The following DIP2C variants were observed in gnomAD, a reference collection of about 807,000 sequenced individuals.
The protein encoded by DIP2C is disco-interacting protein 2 homolog C.
Under a neutral mutation model 192.4 loss-of-function variants are expected in DIP2C, and 33 were observed. The ratio of observed to expected loss-of-function variants is 0.17; its 90% CI spans 0.13 to 0.23. The LOEUF (loss-of-function observed/expected upper bound fraction) is 0.23. Ranked by LOEUF, DIP2C falls within the 10% of genes least tolerant of loss-of-function variation. DIP2C has a pLI of 1.00. For synonymous variants in DIP2C, 979 were observed against 864.1 expected (o/e 1.13, Z -2.33); for missense variants, 1,537 against 2,110.1 (o/e 0.73, Z 5.32).
At chr10:310,780 C>A (rs764954205) in intron 31 of DIP2C, among the ~76,000 whole-genome samples, 1 of 152,154 alleles carries the variant, frequency 6.6e-6, no homozygotes, top group Admixed American at 6.5e-5. Context: ...TGACTTCTGA[C>A]CAGTGACCTC....
chr10:490,492 G>A (rs916332041), intron 1 of DIP2C, among the ~76,000 whole-genome samples: 1 of 152,130 alleles, frequency 6.6e-6, no homozygotes, highest in Non-Finnish European at 1.5e-5. Flanking sequence ...AGGCTATTTC[G>A]AAAGTCAACT....
At chr10:575,903 G>C (rs978650236) in intron 1 of DIP2C, among the ~76,000 whole-genome samples, 2 of 152,178 alleles carry the variant, frequency 1.3e-5, no homozygotes, top group African/African-American at 4.8e-5. Context: ...TCTCCTCCAT[G>C]GTAACAGCTG....
chr10:310,438 G>A (rs923012380), intron 31 of DIP2C, among the ~76,000 whole-genome samples: 3 of 152,254 alleles, frequency 2.0e-5, no homozygotes, highest in Non-Finnish European at 4.4e-5. Flanking sequence ...TGAAGCATCT[G>A]TGCGGAGAAA....
chr10:504,740 C>G (rs1845469341), intron 1 of DIP2C, among the ~76,000 whole-genome samples: 1 of 152,238 alleles, frequency 6.6e-6, no homozygotes, highest in Non-Finnish European at 1.5e-5. Flanking sequence ...AAGCATAAGG[C>G]CTGAGTAGCA....
intron 3 of DIP2C, among the ~76,000 whole-genome samples, chr10:459,956 G>T (rs560249974): frequency 7.2e-6 from 1 of 138,148 alleles, no homozygotes; most frequent in African/African-American, 2.8e-5. Flanking sequence ...TGAGCTCTAG[G>T]ACCTTCCCAC....
intron 1 of DIP2C, among the ~76,000 whole-genome samples, chr10:624,246 C>T (rs1189041084): frequency 1.3e-5 from 2 of 152,220 alleles, no homozygotes; most frequent in Admixed American, 1.3e-4. Context: ...TTGCTGTCAC[C>T]TCTGTCACCA....
intron 32 of DIP2C, among the ~76,000 whole-genome samples, chr10:295,044 T>C (rs887783931): frequency 6.6e-6 from 1 of 150,508 alleles, no homozygotes; most frequent in Non-Finnish European, 1.5e-5. Flanking sequence ...AAGAAATAAA[T>C]GTCCAGAAAA....
In DIP2C at chr10:384,599, G is replaced by C. The variant is rs1210270603; in HGVS notation, c.1703C>G (p.Ser568Trp). 1 of 1,613,864 alleles carries C rather than the reference G, an allele frequency of 6.2e-7. No individual in the cohort carries two copies. Among genetic ancestry groups the C allele is most frequent in the Non-Finnish European group, 8.5e-7 (1 of 1,180,030 alleles). The change falls in exon 15 of 37, where the codon TCG (serine) becomes TGG (tryptophan). Residue 568 changes from serine to tryptophan, a missense_variant. Coordinates refer to ENST00000280886, the MANE Select transcript of DIP2C (RefSeq NM_014974.3). ...NMMHVISIPYSLMKVNPLSWI... is the reference protein window; with the variant it reads ...NMMHVISIPYWLMKVNPLSWI... ...GGAGAGAGGGTTCACCTTCATCAGC[G>C]AGTACGGGATGCTGATCACATGCAT...
chr10:292,127 G>C (rs753375675), intron 32 of DIP2C, among the ~76,000 whole-genome samples: 14 of 152,228 alleles, frequency 9.2e-5, no homozygotes, highest in Non-Finnish European at 1.9e-4. Context: ...GTCAGCTTTA[G>C]ACAACTCAGG....
chr10:361,948 TG>T, intron 22 of DIP2C, among the ~76,000 whole-genome samples: 1 of 150,290 alleles, frequency 6.7e-6, no homozygotes, highest in East Asian at 1.9e-4. Flanking sequence ...AACAACAGTG[TG>T]GGGGGAAAAC....
intron 10 of DIP2C, among the ~76,000 whole-genome samples, chr10:392,996 C>G (rs952716429): frequency 1.3e-5 from 2 of 152,188 alleles, no homozygotes; most frequent in Non-Finnish European, 2.9e-5. Flanking sequence ...GTGGGCCTCA[C>G]GACCTCTGCC....
intron 1 of DIP2C, among the ~76,000 whole-genome samples, chr10:584,549 C>T (rs1435098456): frequency 3.8e-5 from 5 of 131,942 alleles, no homozygotes; most frequent in East Asian, 2.3e-4. Flanking sequence ...TCACGGGCAC[C>T]ACCTCTCTAG....
chr10:640,733 G>C (rs2486593), intron 1 of DIP2C, among the ~76,000 whole-genome samples: 160 of 1,694 alleles, frequency 0.094, 3 homozygotes, highest in African/African-American at 0.12. Flanking sequence ...GGGGAAGAGG[G>C]TGGGCGCCGG....
chr10:368,730 CG>C (rs1564624003), intron 18 of DIP2C, among the ~76,000 whole-genome samples: 1 of 152,210 alleles, frequency 6.6e-6, no homozygotes, highest in Non-Finnish European at 1.5e-5. Flanking sequence ...CAGCACTGCT[CG>C]CACAGGCATG....
chr10:686,017 A>G (rs1003060465), intron 1 of DIP2C, among the ~76,000 whole-genome samples: 1 of 152,136 alleles, frequency 6.6e-6, no homozygotes, highest in African/African-American at 2.4e-5. Context: ...TTCTGCTTCC[A>G]CTCCAATTTG....
intron 32 of DIP2C, among the ~76,000 whole-genome samples, chr10:290,790 G>A (rs933471305): frequency 2.6e-5 from 4 of 152,244 alleles, no homozygotes; most frequent in Non-Finnish European, 4.4e-5. Flanking sequence ...GTGAAACTCA[G>A]CCAAAACCGA....
At chr10:676,867 C>T (rs1173166664) in intron 1 of DIP2C, among the ~76,000 whole-genome samples, 1 of 151,984 alleles carries the variant, frequency 6.6e-6, no homozygotes, top group Non-Finnish European at 1.5e-5. Flanking sequence ...GTTTAGTGTT[C>T]TATAGCCTTG....
intron 32 of DIP2C, among the ~76,000 whole-genome samples, chr10:305,739 G>T (rs925277828): frequency 2.6e-5 from 4 of 152,086 alleles, no homozygotes; most frequent in African/African-American, 9.7e-5. Flanking sequence ...CTAACTCTCA[G>T]GATCAAGCAG....
At chr10:295,844 T>TA (rs200750864) in intron 32 of DIP2C, among the ~76,000 whole-genome samples, 2,742 of 152,136 alleles carry the variant, frequency 0.018, 69 homozygotes, top group African/African-American at 0.062. Context: ...CCATCTCTAC[T>TA]AAAAAAATAC....
Sources: gnomAD v4.1 joint callset for allele counts (sites outside exome capture counted in the v4.1 genomes callset) on GRCh38, gnomAD v4.1.1 for gene constraint, MANE v1.5 for transcripts, NCBI Gene and HGNC (gene_info 2026-07-23, HGNC 2026-07-21) for gene names.